The following RSPO4 variants were observed in gnomAD, a reference collection of about 807,000 sequenced individuals.
The protein encoded by RSPO4 is R-spondin-4.
Under a neutral mutation model 24.8 loss-of-function variants are expected in RSPO4, and 23 were observed. The observed-to-expected ratio is 0.93, with a 90% CI of 0.67 to 1.31. The LOEUF is 1.31. Among genes scored for constraint, RSPO4 ranks in the 40% most tolerant of loss-of-function variants. RSPO4 has a pLI of 0.00. For synonymous variants in RSPO4, 141 were observed against 127.4 expected, an observed-to-expected ratio of 1.11 and a Z score of -0.72; for missense variants, 333 against 316.5, an observed-to-expected ratio of 1.05 and a Z score of -0.39.
chr20:971,301 G>T (rs1984399713), intron 1 of RSPO4, among the ~76,000 whole-genome samples: 1 of 152,256 alleles, frequency 6.6e-6, no homozygotes. Context: ...CTGAGAATTT[G>T]TATTTCTAAC....
Position 958,838 on chromosome 20 carries a change from T to G in RSPO4, c.*1519A>C, listed in dbSNP as rs115673250. Reference sequence around the variant, plus strand: ...GACTCTTGCTTCTCCTGCCCATTCCTGTCCCAGTCACGGAGCCCTACGTGT... The same window carrying G: ...GACTCTTGCTTCTCCTGCCCATTCCGGTCCCAGTCACGGAGCCCTACGTGT... On this transcript the variant is annotated 3_prime_UTR_variant, in exon 5 of 5. Transcript: ENST00000217260. The G allele has an allele frequency of 5.3e-4, 81 of 152,456 alleles. No individual in the cohort carries two copies. Among genetic ancestry groups the G allele is most frequent in the African/African-American group, 1.9e-3 (78 of 41,540 alleles). 9.4% of individuals were successfully genotyped at this position (152,456 alleles called of 1,614,324 possible). A position where few individuals can be genotyped will look rare whatever the true frequency, so the allele number is the denominator to read the frequency against.
In RSPO4 at chr20:960,335, AGAGAGTCGG is replaced by A. The variant is rs573730556; in HGVS notation, c.*13_*21del. ...TGTGCAGGGGCCGAGGACTAGGACC[AGAGAGTCGG>A]GAGAGCCGGCGGTCAGGGCTGCAGG... On this transcript the variant is annotated 3_prime_UTR_variant, in exon 5 of 5. Coordinates refer to ENST00000217260, the MANE Select transcript of RSPO4 (RefSeq NM_001029871.4). 6.6e-7 allele frequency: 1 copy of A among 1,505,962 alleles called. No homozygotes were observed. Among genetic ancestry groups the A allele is most frequent in the East Asian group, 2.5e-5 (1 of 40,772 alleles). 93.3% of individuals were successfully genotyped at this position (1,505,962 alleles called of 1,614,324 possible). A position where few individuals can be genotyped will look rare whatever the true frequency, so the allele number is the denominator to read the frequency against.
rs574845619 is a variant in RSPO4, at chr20:967,245, A to G, written c.338T>C (p.Leu113Ser). Residue 113 changes from leucine (L) to serine (S), a missense_variant, in exon 3 of 5, where the codon TTG becomes TCG. By Grantham distance (145) the Leu-to-Ser change is moderately radical (BLOSUM62 -2). Coordinates refer to ENST00000217260, the MANE Select transcript of RSPO4 (RefSeq NM_001029871.4). ...FCIRCKRQFYLYKGKCLPTCP... is the reference protein window; with the variant it reads ...FCIRCKRQFYSYKGKCLPTCP... ...GGTGGGCAGACACTTCCCCTTGTAC[A>G]AGTAAAACTGCCTCTTGCACCGGAT... 6.3e-5 allele frequency: 101 copies of G among 1,614,204 alleles called. No individual in the cohort carries two copies. Among genetic ancestry groups the G allele is most frequent in the Middle Eastern group, 4.9e-4 (3 of 6,062 alleles).
intron 1 of RSPO4, among the ~76,000 whole-genome samples, chr20:977,535 C>G (rs1427873118): frequency 6.6e-6 from 1 of 152,202 alleles, no homozygotes. Context: ...ATTATCACCA[C>G]CTGCCCTGCC....
In RSPO4 at chr20:968,107, G is replaced by A; in HGVS notation, c.111C>T (p.Gly37=). The A allele has an allele frequency of 6.2e-7, 1 of 1,614,154 alleles. No homozygotes were observed. Among genetic ancestry groups the A allele is most frequent in the Non-Finnish European group, 8.5e-7 (1 of 1,180,014 alleles). The change falls in exon 2 of 5, where the codon GGC becomes GGT. Residue 37 remains glycine (G), a synonymous_variant. Transcript: ENST00000217260. Reference sequence around the variant, plus strand: ...CGTTCTCCTCTGAGCAGATGATACAGCCTGTGCAGTTGCCCCCCAGGCCAG... The same window carrying A: ...CGTTCTCCTCTGAGCAGATGATACAACCTGTGCAGTTGCCCCCCAGGCCAG... The part of the protein sequence containing the change: ...VGTGLGGNCT[G]CIICSEENGC...
rs138891857 is a variant in RSPO4 at position 973,459 on chromosome 20, A to ATTGTTTGTTTGT, written c.80-5333_80-5322dup. On this transcript the variant is annotated intron_variant, in intron 1 of 4. Coordinates refer to ENST00000217260, the MANE Select transcript of RSPO4 (RefSeq NM_001029871.4). ...GCACTATTTGTTTTTTGTTTGTTTT[A>ATTGTTTGTTTGT]TTGTTTGTTTGTTTGTTTGTTTGTT... Among the ~76,000 whole-genome samples, 406 of 150,638 alleles carry ATTGTTTGTTTGT rather than the reference A, an allele frequency of 2.7e-3. 2 individuals are homozygous for ATTGTTTGTTTGT. The highest frequency in any genetic ancestry group is 8.9e-3 in the African/African-American group (368 of 41,166).
At chr20:986,884 C>G (rs986271462) in intron 1 of RSPO4, among the ~76,000 whole-genome samples, 9 of 152,182 alleles carry the variant, frequency 5.9e-5, no homozygotes, top group Non-Finnish European at 1.3e-4. Context: ...AATAACCATA[C>G]GCAAAGCTGT....
At chr20:980,044 C>A (rs1568920378) in intron 1 of RSPO4, among the ~76,000 whole-genome samples, 1 of 152,200 alleles carries the variant, frequency 6.6e-6, no homozygotes. Context: ...TTAACCAATT[C>A]TTTGTTTTAT....
At chr20:966,018 A>G (rs987392698) in intron 3 of RSPO4, among the ~76,000 whole-genome samples, 4 of 152,144 alleles carry the variant, frequency 2.6e-5, no homozygotes, top group Non-Finnish European at 5.9e-5. Flanking sequence ...GGGATCAGGG[A>G]GCTGGTTATT....
rs946338329 is a variant in RSPO4, at chr20:981,587, C to G, written c.80-13449G>C. ...AAATATCAAATGGGCAACCTGACTCCTTTCGCCACTCATAGGAGGGGCATT... is the reference window on the plus strand; with the variant it reads ...AAATATCAAATGGGCAACCTGACTCGTTTCGCCACTCATAGGAGGGGCATT... On this transcript the variant is annotated intron_variant, in intron 1 of 4. Transcript: ENST00000217260. The surrounding 1 kb of genome is among the most constrained non-coding windows in gnomAD (Gnocchi z 4.6). Among the ~76,000 whole-genome samples, 1 of 152,190 alleles carries G rather than the reference C, an allele frequency of 6.6e-6. No individual in the cohort carries two copies. The highest frequency in any genetic ancestry group is 2.4e-5 in the African/African-American group (1 of 41,450).
At chr20:998,612 C>T (rs933257573) in intron 1 of RSPO4, among the ~76,000 whole-genome samples, 2 of 152,138 alleles carry the variant, frequency 1.3e-5, no homozygotes, top group Non-Finnish European at 2.9e-5. Flanking sequence ...CCTCATTCCT[C>T]GGGATTGTGC....
At chr20:985,932 G>A (rs778242354) in intron 1 of RSPO4, among the ~76,000 whole-genome samples, 3 of 152,270 alleles carry the variant, frequency 2.0e-5, no homozygotes, top group Non-Finnish European at 4.4e-5. Flanking sequence ...TTGGGAGTGA[G>A]TGGAGAATGA....
chr20:984,918 CAT>C (rs1984855181), intron 1 of RSPO4, among the ~76,000 whole-genome samples: 2 of 135,160 alleles, frequency 1.5e-5, no homozygotes, highest in Non-Finnish European at 1.5e-5. Flanking sequence ...TCCATCCATC[CAT>C]CCCCATCCAT....
chr20:996,914 T>C (rs926041014), intron 1 of RSPO4, among the ~76,000 whole-genome samples: 1 of 152,092 alleles, frequency 6.6e-6, no homozygotes, highest in Non-Finnish European at 1.5e-5. Context: ...CCTGACAAAA[T>C]CCTAAATCCT....
chr20:998,186 G>T (rs539677659), intron 1 of RSPO4, among the ~76,000 whole-genome samples: 1 of 152,270 alleles, frequency 6.6e-6, no homozygotes, highest in African/African-American at 2.4e-5. Context: ...CTCAGGTCTA[G>T]AAAGATCCAG....
At chr20:988,042 A>T (rs912087281) in intron 1 of RSPO4, among the ~76,000 whole-genome samples, 1 of 152,210 alleles carries the variant, frequency 6.6e-6, no homozygotes, top group Non-Finnish European at 1.5e-5. Flanking sequence ...GCTGCCTGGA[A>T]GGGCATCTCT....
At chr20:982,993 G>A (rs1984789269) in intron 1 of RSPO4, among the ~76,000 whole-genome samples, 1 of 152,252 alleles carries the variant, frequency 6.6e-6, no homozygotes, top group South Asian at 2.1e-4. Flanking sequence ...TACAAACCCA[G>A]GAGGCCTCCT....
At chr20:996,352 G>A (rs2122276372) in intron 1 of RSPO4, among the ~76,000 whole-genome samples, 1 of 152,298 alleles carries the variant, frequency 6.6e-6, no homozygotes, top group African/African-American at 2.4e-5. Flanking sequence ...ACTAATGGGA[G>A]CTTCAGTTTT....
chr20:964,797 T>TACACAC (rs1311803399), intron 3 of RSPO4, among the ~76,000 whole-genome samples: 3 of 101,088 alleles, frequency 3.0e-5, no homozygotes, highest in Middle Eastern at 6.0e-3. Flanking sequence ...TACACATATA[T>TACACAC]ACACACATAC....
Sources: allele counts gnomAD v4.1 joint callset (sites outside exome capture counted in the v4.1 genomes callset), GRCh38; gene constraint gnomAD v4.1.1; non-coding constraint Gnocchi (gnomAD v3.1); transcripts MANE v1.5; gene names NCBI Gene and HGNC (gene_info 2026-07-23, HGNC 2026-07-21).